Variants in ITPR2 observed in about 807,000 individuals in gnomAD.
The protein encoded by ITPR2 is inositol 1,4,5-trisphosphate receptor type 2, also known as inositol 1,4,5-trisphosphate-gated calcium channel ITPR2.
A neutral mutation model predicts 317.1 loss-of-function variants in ITPR2; 207 were observed. The ratio of observed to expected loss-of-function variants is 0.65; its 90% CI spans 0.58 to 0.73. ITPR2 has a LOEUF of 0.73. Among genes scored for constraint, ITPR2 ranks in the 30% least tolerant of loss-of-function variants. The pLI is 0.00. For synonymous variants in ITPR2, 1,156 were observed against 1,149.1 expected (o/e 1.01, Z -0.12); for missense variants, 2,613 against 3,284.0 (o/e 0.80, Z 4.99).
intron 32 of ITPR2, among the ~76,000 whole-genome samples, chr12:26,587,603 G>C (rs1945565993): frequency 6.6e-6 from 1 of 152,102 alleles, no homozygotes; most frequent in Non-Finnish European, 1.5e-5. Context: ...GGGGAAGAAG[G>C]GTGGTCATAG....
chr12:26,623,049 T>C (rs973226303), intron 24 of ITPR2, among the ~76,000 whole-genome samples: 3 of 152,200 alleles, frequency 2.0e-5, no homozygotes, highest in African/African-American at 7.2e-5. Flanking sequence ...ATAAAAATCC[T>C]CTTTTTGTGC....
chr12:26,708,804 C>T (rs1372052699), intron 9 of ITPR2, among the ~76,000 whole-genome samples: 1 of 152,068 alleles, frequency 6.6e-6, no homozygotes, highest in African/African-American at 2.4e-5. Flanking sequence ...CTGAGGTGAC[C>T]AATATCCCAA....
intron 13 of ITPR2, among the ~76,000 whole-genome samples, chr12:26,675,515 G>C (rs1473534238): frequency 6.6e-6 from 1 of 151,434 alleles, no homozygotes; most frequent in African/African-American, 2.4e-5. Context: ...ATGTTCACAG[G>C]AAGGGGAACA....
chr12:26,593,101 C>T (rs1285485489), intron 32 of ITPR2, among the ~76,000 whole-genome samples: 1 of 152,204 alleles, frequency 6.6e-6, no homozygotes, highest in Admixed American at 6.5e-5. Context: ...AGTCTGGACT[C>T]GAACTCTGGT....
In ITPR2 at chr12:26,719,588, C is replaced by T. The variant is rs116725662; in HGVS notation, c.525+2809G>A. Among the ~76,000 whole-genome samples the T allele has an allele frequency of 5.5e-3, 835 of 152,270 alleles. 4 individuals are homozygous for T. The highest frequency in any genetic ancestry group is 0.018 in the African/African-American group (760 of 41,548). ...CTAAACGCCAGGGTTCTAGTTCCAC[C>T]GCAGCTAGAAATTCAACACTTTTTT... On this transcript the variant is annotated intron_variant, in intron 5 of 56. Coordinates refer to ENST00000381340, the MANE Select transcript of ITPR2 (RefSeq NM_002223.4).
At chr12:26,791,793 G>T (rs187008024) in intron 1 of ITPR2, among the ~76,000 whole-genome samples, 2 of 152,064 alleles carry the variant, frequency 1.3e-5, no homozygotes, top group African/African-American at 4.8e-5. Context: ...GAATCTGAAA[G>T]GCTCCAATAG....
intron 6 of ITPR2, 66 bp from the exon 7 acceptor site, chr12:26,715,901 T>C (rs1948731898): frequency 8.8e-7 from 1 of 1,141,398 alleles, no homozygotes; most frequent in Admixed American, 1.8e-5. Context: ...AAATTATTAG[T>C]TCAACTAGTA....
At chr12:26,379,832 G>A (rs187083181) in intron 55 of ITPR2, among the ~76,000 whole-genome samples, 1 of 152,156 alleles carries the variant, frequency 6.6e-6, no homozygotes, top group South Asian at 2.1e-4. Flanking sequence ...CTTGTAAATG[G>A]AAATCCTAAG....
chr12:26,419,273 A>G, intron 49 of ITPR2, 60 bp from the exon 50 acceptor site: 1 of 1,476,146 alleles, frequency 6.8e-7, no homozygotes, highest in South Asian at 1.2e-5. Context: ...CACATGGATG[A>G]AAACTACTAT....
chr12:26,744,385 C>T (rs962199283), intron 2 of ITPR2, among the ~76,000 whole-genome samples: 3 of 152,362 alleles, frequency 2.0e-5, no homozygotes, highest in Middle Eastern at 3.4e-3. Flanking sequence ...TCCACCTCTG[C>T]CTGTTCCCCA....
intron 10 of ITPR2, among the ~76,000 whole-genome samples, chr12:26,690,790 GA>G (rs1486109968): frequency 6.6e-6 from 1 of 152,172 alleles, no homozygotes; most frequent in East Asian, 1.9e-4. Flanking sequence ...TCCAAACACA[GA>G]AAAAACTCAC....
intron 37 of ITPR2, among the ~76,000 whole-genome samples, chr12:26,534,139 C>T (rs554003607): frequency 2.0e-5 from 3 of 152,238 alleles, no homozygotes; most frequent in Non-Finnish European, 4.4e-5. Flanking sequence ...GTAGGTCCTT[C>T]ATCTGCTCCT....
chr12:26,472,958 C>A, intron 45 of ITPR2, among the ~76,000 whole-genome samples: 1 of 152,116 alleles, frequency 6.6e-6, no homozygotes, highest in Admixed American at 6.6e-5. Flanking sequence ...GTGATCTAGG[C>A]TCACTGCAAC....
At chr12:26,390,617 G>A (rs1939803216) in intron 54 of ITPR2, among the ~76,000 whole-genome samples, 1 of 152,162 alleles carries the variant, frequency 6.6e-6, no homozygotes, top group Non-Finnish European at 1.5e-5. Flanking sequence ...TGGCTAAAGG[G>A]TATGGGGTTT....
At chr12:26,799,009 AT>A (rs1413316820) in intron 1 of ITPR2, among the ~76,000 whole-genome samples, 1 of 152,238 alleles carries the variant, frequency 6.6e-6, no homozygotes, top group African/African-American at 2.4e-5. Flanking sequence ...TAAATTTAGC[AT>A]TATCTCCTAT....
At chr12:26,526,712 C>T (rs1383999459) in intron 37 of ITPR2, among the ~76,000 whole-genome samples, 4 of 152,220 alleles carry the variant, frequency 2.6e-5, no homozygotes, top group Admixed American at 1.3e-4. Flanking sequence ...CAGGAGATGA[C>T]GGTTTCTTGG....
At chr12:26,643,765 T>C (rs561828971) in intron 21 of ITPR2, among the ~76,000 whole-genome samples, 28 of 152,350 alleles carry the variant, frequency 1.8e-4, no homozygotes, top group Admixed American at 1.3e-4. Flanking sequence ...GTGAAAAATA[T>C]GTAAGCAAAG....
intron 2 of ITPR2, among the ~76,000 whole-genome samples, chr12:26,748,933 A>G (rs1244129663): frequency 6.6e-6 from 1 of 152,216 alleles, no homozygotes; most frequent in East Asian, 1.9e-4. Flanking sequence ...AGAAATAGAT[A>G]ACATTTAAAA....
At chr12:26,683,508 G>A (rs988440681) in intron 11 of ITPR2, among the ~76,000 whole-genome samples, 3 of 152,182 alleles carry the variant, frequency 2.0e-5, no homozygotes, top group Admixed American at 6.6e-5. Context: ...GATGAGCTTC[G>A]TTCATGCATG....
Sources: gnomAD v4.1 joint callset for allele counts (sites outside exome capture counted in the v4.1 genomes callset) on GRCh38, gnomAD v4.1.1 for gene constraint, MANE v1.5 for transcripts, NCBI Gene and HGNC (gene_info 2026-07-23, HGNC 2026-07-21) for gene names.